Variants in TYW1B observed in about 807,000 individuals in gnomAD.
TYW1B encodes tRNA-yW synthesizing protein 1 homolog B.
In TYW1B, 73 loss-of-function variants were observed where a neutral mutation model predicts 86.9. The observed-to-expected ratio is 0.84, with a 90% CI of 0.70 to 1.02. The LOEUF (loss-of-function observed/expected upper bound fraction) is 1.02. Ranked by LOEUF, TYW1B falls within the 50% of genes least tolerant of loss-of-function variation. The probability of loss-of-function intolerance (pLI) is 0.00; values close to 1 mark genes in which losing one functional copy is unlikely to be tolerated. For missense variants in TYW1B, 637 were observed against 827.4 expected (o/e 0.77, Z 2.82); for synonymous variants, 248 against 292.8 (o/e 0.85, Z 1.56).
intron 10 of TYW1B, among the ~76,000 whole-genome samples, chr7:72,707,775 C>T (rs1418122503): frequency 6.6e-6 from 1 of 152,214 alleles, no homozygotes; most frequent in African/African-American, 2.4e-5. Context: ...TATAATTTGG[C>T]TCTGTCCCCA....
intron 13 of TYW1B, among the ~76,000 whole-genome samples, chr7:72,577,652 G>A (rs1267221105): frequency 3.9e-5 from 6 of 152,186 alleles, no homozygotes; most frequent in Non-Finnish European, 5.9e-5. Flanking sequence ...CCTCTGGGCC[G>A]CAGCCACTGT....
At chr7:72,632,998 A>G (rs1355829687) in intron 11 of TYW1B, among the ~76,000 whole-genome samples, 3 of 152,092 alleles carry the variant, frequency 2.0e-5, no homozygotes, top group Non-Finnish European at 4.4e-5. Context: ...AGGTCCAGAC[A>G]GGATGAAGTG....
chr7:72,785,328 TATTCTA>T (rs1219771430), intron 6 of TYW1B, among the ~76,000 whole-genome samples: 2 of 147,944 alleles, frequency 1.4e-5, no homozygotes, highest in African/African-American at 4.9e-5. Context: ...AGTTAATATA[TATTCTA>T]ATTCTAATTA....
intron 11 of TYW1B, among the ~76,000 whole-genome samples, chr7:72,683,284 C>G (rs544535829): frequency 6.6e-6 from 1 of 152,222 alleles, no homozygotes; most frequent in South Asian, 2.1e-4. Context: ...AAGACTGAGA[C>G]CTAGACTGGG....
At chr7:72,779,608 C>CA (rs1788015161) in intron 6 of TYW1B, among the ~76,000 whole-genome samples, 1 of 146,060 alleles carries the variant, frequency 6.8e-6, no homozygotes, top group African/African-American at 2.5e-5. Flanking sequence ...TCCCAGCTAC[C>CA]AGGGAGGCTG....
chr7:72,777,600 G>T (rs1434022878), intron 6 of TYW1B, 67 bp from the exon 7 acceptor site: 1 of 1,575,166 alleles, frequency 6.3e-7, no homozygotes, highest in South Asian at 1.1e-5. Context: ...GCACAATCAT[G>T]AACACCTAGC....
intron 11 of TYW1B, among the ~76,000 whole-genome samples, chr7:72,637,706 AC>A (rs1409838250): frequency 2.0e-5 from 3 of 151,808 alleles, no homozygotes; most frequent in East Asian, 3.9e-4. Flanking sequence ...AAAAAAAAAA[AC>A]ATTGTGGGTA....
Position 72,685,642 on chromosome 7 carries a change from T to G in TYW1B, c.1506+9045A>C, listed in dbSNP as rs142660458. Among the ~76,000 whole-genome samples the G allele has an allele frequency of 1.8e-3, 273 of 152,034 alleles. 1 individual carries two copies. Among genetic ancestry groups the G allele is most frequent in the African/African-American group, 6.3e-3 (263 of 41,460 alleles). ...AGAATCTAAACGAACACCTTATATC[T>G]CTCCCAAAAATTAACTCTAACTGGA... is the stretch of plus-strand genomic sequence containing the variant. On this transcript the variant is annotated intron_variant, in intron 11 of 13. Coordinates refer to ENST00000620995, the MANE Select transcript of TYW1B (RefSeq NM_001145440.3).
At chr7:72,768,155 G>A (rs1272527413) in intron 7 of TYW1B, among the ~76,000 whole-genome samples, 2 of 151,616 alleles carry the variant, frequency 1.3e-5, no homozygotes, top group Non-Finnish European at 2.9e-5. Context: ...AGAGAGGATC[G>A]CTTCAGCCCA....
At chr7:72,656,828 CCA>C (rs1192938089) in intron 11 of TYW1B, among the ~76,000 whole-genome samples, 1 of 152,002 alleles carries the variant, frequency 6.6e-6, no homozygotes, top group Non-Finnish European at 1.5e-5. Context: ...GAGAAAGGTG[CCA>C]CACACTTTTA....
At chr7:72,792,631 T>C (rs1356497254) in intron 6 of TYW1B, among the ~76,000 whole-genome samples, 1 of 152,196 alleles carries the variant, frequency 6.6e-6, no homozygotes. Flanking sequence ...ATTTTAGGAA[T>C]TTATTCTTCA....
At position 72,629,344 on chromosome 7, in the gene TYW1B, T is replaced by C. The variant is rs540511982; in HGVS notation, c.1507-347A>G. 1.2e-3 allele frequency among the ~76,000 whole-genome samples: 182 copies of C among 152,306 alleles called. 1 individual carries two copies. The South Asian group carries it at 0.017, about 14-fold the overall frequency. On this transcript the variant is annotated intron_variant, in intron 11 of 13. Transcript: ENST00000620995. ...ACAGTGTTAGGCCATAAAAAATTAA[T>C]TGAAATGCCCTCTAGGCTTTCAGGT...
intron 8 of TYW1B, among the ~76,000 whole-genome samples, chr7:72,739,495 A>G (rs1787263075): frequency 6.6e-6 from 1 of 151,766 alleles, no homozygotes; most frequent in African/African-American, 2.4e-5. Context: ...AATCCCAGCT[A>G]TTCAGGAGGC....
At chr7:72,594,639 CTT>C (rs1294491226) in intron 13 of TYW1B, among the ~76,000 whole-genome samples, 14 of 152,248 alleles carry the variant, frequency 9.2e-5, no homozygotes, top group African/African-American at 2.9e-4. Flanking sequence ...GGAGGGAATA[CTT>C]TCAACTCATT....
intron 9 of TYW1B, among the ~76,000 whole-genome samples, chr7:72,717,240 G>T (rs1285263546): frequency 1.4e-4 from 21 of 151,644 alleles, no homozygotes; most frequent in Non-Finnish European, 4.4e-5. Flanking sequence ...GGTGGAGGTT[G>T]CAGTGAGCTG....
chr7:72,786,290 T>C (rs1283564727), intron 6 of TYW1B, among the ~76,000 whole-genome samples: 6 of 152,120 alleles, frequency 3.9e-5, no homozygotes, highest in Non-Finnish European at 7.4e-5. Context: ...TTTTGTGTCA[T>C]ACTAAAATTG....
intron 10 of TYW1B, among the ~76,000 whole-genome samples, chr7:72,705,136 G>A (rs1264645443): frequency 1.3e-5 from 2 of 152,194 alleles, no homozygotes; most frequent in Non-Finnish European, 2.9e-5. Context: ...GAATCAGGCA[G>A]TATTCAATCT....
intron 13 of TYW1B, among the ~76,000 whole-genome samples, chr7:72,602,731 T>C (rs577954350): frequency 1.2e-4 from 19 of 152,172 alleles, no homozygotes; most frequent in African/African-American, 3.9e-4. Context: ...TTTCACACTA[T>C]CATAAAGTCA....
intron 13 of TYW1B, among the ~76,000 whole-genome samples, chr7:72,612,350 G>A (rs1811953725): frequency 6.6e-6 from 1 of 152,084 alleles, no homozygotes; most frequent in Admixed American, 6.6e-5. Flanking sequence ...GAAAGGGAGG[G>A]CTTTTGTTTA....
Sources: allele counts gnomAD v4.1 joint callset (sites outside exome capture counted in the v4.1 genomes callset), GRCh38; gene constraint gnomAD v4.1.1; transcripts MANE v1.5; gene names NCBI Gene and HGNC (gene_info 2026-07-23, HGNC 2026-07-21).